CNOT6: variants seen among roughly 807,000 people sequenced by gnomAD.
CNOT6 encodes the protein CCR4-NOT transcription complex subunit 6, also known as carbon catabolite repression 4 protein.
Under a neutral mutation model 61.2 loss-of-function variants are expected in CNOT6, and 12 were observed. The observed-to-expected ratio is 0.20, with a 90% CI of 0.13 to 0.32. CNOT6 has a LOEUF of 0.32. CNOT6 is among the 10% of genes least tolerant of loss of function. CNOT6 has a pLI of 1.00. For missense variants in CNOT6, 405 were observed against 663.9 expected, an observed-to-expected ratio of 0.61 and a Z score of 4.28; for synonymous variants, 225 against 240.6, an observed-to-expected ratio of 0.94 and a Z score of 0.60.
intron 1 of CNOT6, among the ~76,000 whole-genome samples, chr5:180,520,073 A>T (rs548825106): frequency 6.6e-6 from 1 of 152,012 alleles, no homozygotes; most frequent in Non-Finnish European, 1.5e-5. Context: ...ACCTCAAGTG[A>T]TCTGCCTGCC....
At chr5:180,561,228 A>G (rs1215156935) in intron 4 of CNOT6, among the ~76,000 whole-genome samples, 4 of 152,188 alleles carry the variant, frequency 2.6e-5, no homozygotes, top group African/African-American at 9.6e-5. Context: ...CTGGGATTAT[A>G]GGCATGAGCC....
intron 1 of CNOT6, among the ~76,000 whole-genome samples, chr5:180,510,713 ATGAAT>A (rs1475799607): frequency 6.6e-6 from 1 of 152,184 alleles, no homozygotes; most frequent in Non-Finnish European, 1.5e-5. Flanking sequence ...ATACCTATAA[ATGAAT>A]TGTCATTTAG....
intron 7 of CNOT6, among the ~76,000 whole-genome samples, chr5:180,566,229 G>A (rs960594214): frequency 2.6e-5 from 4 of 152,166 alleles, no homozygotes; most frequent in African/African-American, 7.2e-5. Flanking sequence ...TCCCTCCAGC[G>A]TCCCTGCACT....
At chr5:180,573,180 T>C (rs1391944246) in intron 11 of CNOT6, among the ~76,000 whole-genome samples, 1 of 152,180 alleles carries the variant, frequency 6.6e-6, no homozygotes, top group Non-Finnish European at 1.5e-5. Context: ...CACTTGAATG[T>C]GCTTCAGTAC....
intron 1 of CNOT6, among the ~76,000 whole-genome samples, chr5:180,497,445 A>G (rs546219416): frequency 1.3e-5 from 2 of 152,180 alleles, no homozygotes; most frequent in African/African-American, 2.4e-5. Flanking sequence ...AAAGGATAAT[A>G]TATGTAAGAC....
rs936862340 is a variant in CNOT6, at chr5:180,563,519, G to A, written c.386-970G>A. Among the ~76,000 whole-genome samples the A allele has an allele frequency of 3.9e-5, 6 of 152,146 alleles. No individual in the cohort carries two copies. In the East Asian group the frequency reaches 5.8e-4, roughly 15 times the overall value. On this transcript the variant is annotated intron_variant, in intron 4 of 11. Transcript: ENST00000261951. Reference sequence around the variant, plus strand: ...GGCCTCCCAAAGTGCTGGGATTACAGGCATGTCTTCCTTCTGCTCTTTGAG... The same window carrying A: ...GGCCTCCCAAAGTGCTGGGATTACAAGCATGTCTTCCTTCTGCTCTTTGAG...
chr5:180,567,951 C>T lies in CNOT6; in HGVS notation c.975C>T (p.Asn325=), dbSNP rs780490479. ...TGAACAGAGTCATGACAAAAGATAA[C>T]ATTGGGGTTGCAGTACTGCTAGAAC... is the stretch of plus-strand genomic sequence containing the variant. ...AMLNRVMTKD[N]IGVAVLLELR... The change falls in exon 9 of 12, where the codon AAC becomes AAT. Residue 325 remains asparagine (N), a synonymous_variant. Coordinates refer to ENST00000261951, the MANE Select transcript of CNOT6 (RefSeq NM_001370472.1). 6.2e-7 allele frequency: 1 copy of T among 1,613,868 alleles called. No homozygotes were observed. The highest frequency in any genetic ancestry group is 8.5e-7 in the Non-Finnish European group (1 of 1,179,828).
intron 1 of CNOT6, among the ~76,000 whole-genome samples, chr5:180,512,230 CT>C (rs1757429873): frequency 6.6e-6 from 1 of 152,172 alleles, no homozygotes; most frequent in South Asian, 2.1e-4. Flanking sequence ...GAGAAAACAG[CT>C]TGTGAGCAGA....
chr5:180,547,472 A>G (rs1759370711), intron 2 of CNOT6, among the ~76,000 whole-genome samples: 1 of 151,928 alleles, frequency 6.6e-6, no homozygotes, highest in South Asian at 2.1e-4. Flanking sequence ...CTGAGCTGAG[A>G]TCGCGCCACT....
At position 180,531,604 on chromosome 5, in the gene CNOT6, A is replaced by G. The variant is rs572685857; in HGVS notation, c.112+2216A>G. On this transcript the variant is annotated intron_variant, in intron 2 of 11. Transcript: ENST00000261951. ...GGGTGGCGGCCAGGCAGAGGCTGCA[A>G]TCTCAGCACTTTGGGAGGCCAAGGC... 1.4e-4 allele frequency among the ~76,000 whole-genome samples: 22 copies of G among 152,336 alleles called. No homozygotes were observed. The East Asian group carries it at 4.3e-3, about 29-fold the overall frequency.
At chr5:180,562,002 T>C (rs1373258385) in intron 4 of CNOT6, among the ~76,000 whole-genome samples, 2 of 152,238 alleles carry the variant, frequency 1.3e-5, no homozygotes, top group Non-Finnish European at 2.9e-5. Context: ...GTGGTTCTTA[T>C]CTAAAACTTT....
Position 180,574,152 on chromosome 5 carries a change from G to T in CNOT6, c.1626G>T (p.Leu542=). ...FSLFAQLELL[L]PFLPQVNGIH... ...TTTTTGCACAACTGGAGCTCTTACTGCCTTTCCTGCCCCAAGTCAACGGCA... is the reference window on the plus strand; with the variant it reads ...TTTTTGCACAACTGGAGCTCTTACTTCCTTTCCTGCCCCAAGTCAACGGCA... The change falls in exon 12 of 12, where the codon CTG becomes CTT. Residue 542 remains leucine (L), a synonymous_variant. Coordinates refer to ENST00000261951, the MANE Select transcript of CNOT6 (RefSeq NM_001370472.1). The T allele has an allele frequency of 6.2e-7, 1 of 1,614,050 alleles. No individual in the cohort carries two copies. The highest frequency in any genetic ancestry group is 2.2e-5 in the East Asian group (1 of 44,878).
In CNOT6 at chr5:180,550,047, G is replaced by A. The variant is rs755103605; in HGVS notation, c.229G>A (p.Val77Met). ...AGACATTGCCAAGCTTCACAATCTGGTGTATTTGGACCTGTCATCTAATAA... is the reference window on the plus strand; with the variant it reads ...AGACATTGCCAAGCTTCACAATCTGATGTATTTGGACCTGTCATCTAATAA... ...PSDIAKLHNL[V>M]YLDLSSNKIR... Residue 77 changes from valine to methionine, a missense_variant, in exon 3 of 12, where the codon GTG becomes ATG. Val to Met is a conservative substitution (Grantham distance 21, BLOSUM62 1). This residue lies in a region of CNOT6 where 212 missense variants were observed against 307.1 expected (regional missense o/e 0.69). Coordinates refer to ENST00000261951, the MANE Select transcript of CNOT6 (RefSeq NM_001370472.1). 9.9e-6 allele frequency: 16 copies of A among 1,613,960 alleles called. No individual in the cohort carries two copies. In the African/African-American group the frequency reaches 2.0e-4, roughly 20 times the overall value.
At position 180,512,405 on chromosome 5, in the gene CNOT6, T is replaced by C. The variant is rs1757435355; in HGVS notation, c.-2-16870T>C. On this transcript the variant is annotated intron_variant, in intron 1 of 11. Coordinates refer to ENST00000261951, the MANE Select transcript of CNOT6 (RefSeq NM_001370472.1). ...TTTGTCTGCCAGTTGCATCAAAAGA[T>C]ATAGAAGGAAATATTGGGACAGAAG... 1.3e-5 allele frequency among the ~76,000 whole-genome samples: 2 copies of C among 152,128 alleles called. 1 individual carries two copies. The highest frequency in any genetic ancestry group is 4.1e-4 in the South Asian group (2 of 4,828).
At position 180,508,800 on chromosome 5, in the gene CNOT6, TTTAA is replaced by T. The variant is rs764995943; in HGVS notation, c.-3+14052_-3+14055del. 4.1e-3 allele frequency among the ~76,000 whole-genome samples: 605 copies of T among 146,890 alleles called. 4 individuals carry two copies. The highest frequency in any genetic ancestry group is 0.012 in the African/African-American group (462 of 38,662). ...AACATGCCCAGCTAATGTATCTTAT[TTTAA>T]TTAATTAATTAATTTTATTATTATT... On this transcript the variant is annotated intron_variant, in intron 1 of 11. Transcript: ENST00000261951.
chr5:180,565,772 A>AT (rs745963115), intron 6 of CNOT6, 48 bp from the exon 7 acceptor site: 12 of 1,488,644 alleles, frequency 8.1e-6, no homozygotes, highest in African/African-American at 2.8e-5. Context: ...TTAATTATAT[A>AT]TTTTTTTCTG....
At chr5:180,566,640 CTTTTTTTTTT>C (rs70973940) in intron 7 of CNOT6, among the ~76,000 whole-genome samples, 19,742 of 76,542 alleles carry the variant, frequency 0.26, 1,395 homozygotes, top group South Asian at 0.34. Flanking sequence ...AAAGATGTTA[CTTTTTTTTTT>C]TTTTTTTTTT....
chr5:180,524,193 T>C (rs1387857142), intron 1 of CNOT6, among the ~76,000 whole-genome samples: 1 of 152,206 alleles, frequency 6.6e-6, no homozygotes, highest in Admixed American at 6.5e-5. Context: ...TTGTAATTCT[T>C]GAAAGTTTTC....
chr5:180,505,573 A>T (rs1433298600), intron 1 of CNOT6, among the ~76,000 whole-genome samples: 2 of 95,952 alleles, frequency 2.1e-5, no homozygotes, highest in Non-Finnish European at 4.3e-5. Context: ...TTTGAGACGG[A>T]GTCTGGCTCT....
Sources: gnomAD v4.1 joint callset for allele counts (sites outside exome capture counted in the v4.1 genomes callset) on GRCh38, gnomAD v4.1.1 for gene constraint, gnomAD v4.1.1 regional missense constraint, MANE v1.5 for transcripts, NCBI Gene and HGNC (gene_info 2026-07-23, HGNC 2026-07-21) for gene names.